SLC2A13: variants seen among roughly 807,000 people sequenced by gnomAD.
SLC2A13 encodes solute carrier family 2 member 13.
A neutral mutation model predicts 64.4 loss-of-function variants in SLC2A13; 32 were observed. The observed-to-expected ratio is 0.50, with a 90% confidence interval of 0.37 to 0.67. The LOEUF (loss-of-function observed/expected upper bound fraction) is 0.67, where lower values mean the gene tolerates loss of function less well. Among genes scored for constraint, SLC2A13 ranks in the 30% least tolerant of loss-of-function variants. The probability of loss-of-function intolerance (pLI) is 0.00; values close to 1 mark genes in which losing one functional copy is unlikely to be tolerated. For synonymous variants in SLC2A13, 338 were observed against 327.1 expected, an observed-to-expected ratio of 1.03 and a Z score of -0.36; for missense variants, 743 against 829.2, an observed-to-expected ratio of 0.90 and a Z score of 1.28.
chr12:39,798,235 C>A (rs532673183), intron 7 of SLC2A13, among the ~76,000 whole-genome samples: 191 of 152,314 alleles, frequency 1.3e-3, no homozygotes, highest in Admixed American at 3.7e-3. Flanking sequence ...TTCAGCTCCC[C>A]TTAAGCCTTC....
chr12:39,889,608 C>T (rs1422171692), intron 4 of SLC2A13, among the ~76,000 whole-genome samples: 1 of 148,652 alleles, frequency 6.7e-6, no homozygotes, highest in East Asian at 2.0e-4. Flanking sequence ...TCTTGGCACA[C>T]CACAACCTCT....
intron 3 of SLC2A13, among the ~76,000 whole-genome samples, chr12:40,021,464 T>C (rs1273248206): frequency 6.6e-6 from 1 of 152,240 alleles, no homozygotes; most frequent in Non-Finnish European, 1.5e-5. Context: ...ATTGTTTTAA[T>C]AGTCCTTCAG....
intron 7 of SLC2A13, among the ~76,000 whole-genome samples, chr12:39,811,740 T>C (rs1344368684): frequency 6.6e-6 from 1 of 152,178 alleles, no homozygotes; most frequent in Non-Finnish European, 1.5e-5. Context: ...TCTGATAATA[T>C]TCCTTAATCT....
rs1423081083 is a variant in SLC2A13, at chr12:39,943,596, C to T, written c.1034+7661G>A. On this transcript the variant is annotated intron_variant, in intron 4 of 9. Coordinates refer to ENST00000280871, the MANE Select transcript of SLC2A13 (RefSeq NM_052885.4). Reference sequence around the variant, plus strand: ...ATTCAAGCCTCAGTAATGGTGGACGCCCCTCCGCCCAGCAAGCTCAAGTAT... The same window carrying T: ...ATTCAAGCCTCAGTAATGGTGGACGTCCCTCCGCCCAGCAAGCTCAAGTAT... 7.9e-5 allele frequency among the ~76,000 whole-genome samples: 12 copies of T among 152,128 alleles called. No homozygotes were observed. In the South Asian group the frequency reaches 1.0e-3, roughly 13 times the overall value.
At chr12:40,048,352 T>G in intron 1 of SLC2A13, 142 bp from the exon 2 acceptor site, 1 of 768,886 alleles carries the variant, frequency 1.3e-6, no homozygotes, top group Non-Finnish European at 1.9e-6. Context: ...ATATTTAAGA[T>G]TTTGTTCATA....
chr12:39,978,851 G>C (rs1277107189), intron 3 of SLC2A13, among the ~76,000 whole-genome samples: 2 of 151,632 alleles, frequency 1.3e-5, no homozygotes, highest in African/African-American at 2.4e-5. Flanking sequence ...TGCCTCTGTA[G>C]GCTCCACCTC....
intron 4 of SLC2A13, among the ~76,000 whole-genome samples, chr12:39,874,344 T>C (rs1944127115): frequency 6.6e-6 from 1 of 152,108 alleles, no homozygotes; most frequent in Admixed American, 6.5e-5. Context: ...CCGGGCACGG[T>C]GGCTCACACC....
chr12:39,764,581 A>C lies in SLC2A13; in HGVS notation c.1599T>G (p.Ser533=), dbSNP rs1177569166. Residue 533 remains serine (S), a synonymous_variant, in exon 9 of 10, where the codon TCT becomes TCG. Coordinates refer to ENST00000280871, the MANE Select transcript of SLC2A13 (RefSeq NM_052885.4). The part of the protein sequence containing the change: ...GMGPMPWTVN[S]EIYPLWARST... The stretch of plus-strand genomic sequence containing the variant: ...TTCTTGCCCAAAGGGGATATATTTC[A>C]GAATTCACAGTCCAAGGCATTGGTC... 1.9e-6 allele frequency: 3 copies of C among 1,608,546 alleles called. No homozygotes were observed. Among genetic ancestry groups the C allele is most frequent in the Non-Finnish European group, 2.5e-6 (3 of 1,178,422 alleles).
At chr12:39,940,662 C>T (rs1328134236) in intron 4 of SLC2A13, among the ~76,000 whole-genome samples, 1 of 151,656 alleles carries the variant, frequency 6.6e-6, no homozygotes, top group Non-Finnish European at 1.5e-5. Flanking sequence ...TTTTAGCACA[C>T]AAAAAGCCAT....
intron 3 of SLC2A13, among the ~76,000 whole-genome samples, chr12:39,965,470 T>C (rs28370709): frequency 0.019 from 2,936 of 152,286 alleles, 93 homozygotes; most frequent in African/African-American, 0.067. Flanking sequence ...CTGAGTAATC[T>C]GAATGGGTTC....
intron 6 of SLC2A13, among the ~76,000 whole-genome samples, chr12:39,847,014 C>T (rs562983814): frequency 3.3e-5 from 5 of 152,112 alleles, no homozygotes; most frequent in African/African-American, 1.2e-4. Flanking sequence ...GCCAAGGAAA[C>T]AGGACAAATG....
chr12:39,812,439 C>T (rs1942204342), intron 7 of SLC2A13, among the ~76,000 whole-genome samples: 1 of 144,180 alleles, frequency 6.9e-6, no homozygotes, highest in African/African-American at 2.6e-5. Context: ...CCTTCCTTTT[C>T]TTTCTTCTCT....
intron 3 of SLC2A13, among the ~76,000 whole-genome samples, chr12:39,995,495 T>C (rs147195814): frequency 6.6e-6 from 1 of 152,298 alleles, no homozygotes; most frequent in East Asian, 1.9e-4. Context: ...TATGAGAACA[T>C]GTGCATGTCA....
intron 4 of SLC2A13, chr12:39,950,114 G>C (rs1477727841): frequency 6.6e-6 from 1 of 152,140 alleles, no homozygotes; most frequent in African/African-American, 2.4e-5. Context: ...TGAATGTATA[G>C]AAAATGGAGT....
At chr12:39,933,703 A>G (rs975690217) in intron 4 of SLC2A13, among the ~76,000 whole-genome samples, 3 of 152,206 alleles carry the variant, frequency 2.0e-5, no homozygotes, top group African/African-American at 7.2e-5. Flanking sequence ...AAGACTTGCA[A>G]AAGAAATAGA....
intron 2 of SLC2A13, among the ~76,000 whole-genome samples, chr12:40,037,570 T>C (rs1441173459): frequency 6.8e-6 from 1 of 147,060 alleles, no homozygotes; most frequent in South Asian, 2.1e-4. Context: ...AAGTGAGCTA[T>C]GATCCTGCCA....
chr12:39,871,648 T>C, intron 5 of SLC2A13, 150 bp downstream of exon 5: 1 of 674,708 alleles, frequency 1.5e-6, no homozygotes, highest in Non-Finnish European at 2.2e-6. Flanking sequence ...TCTTTTTTTT[T>C]TCTTTTTTGG....
intron 5 of SLC2A13, among the ~76,000 whole-genome samples, chr12:39,870,984 T>C (rs7967517): frequency 0.13 from 20,349 of 152,206 alleles, 1,454 homozygotes; most frequent in South Asian, 0.17. Flanking sequence ...CTGGAAACTA[T>C]CTTTTAATGG....
chr12:39,956,099 C>T (rs912803661), intron 3 of SLC2A13, among the ~76,000 whole-genome samples: 8 of 152,168 alleles, frequency 5.3e-5, no homozygotes, highest in African/African-American at 1.7e-4. Context: ...TCATGAACAA[C>T]TTTATGCCAT....
Sources: gnomAD v4.1 joint callset for allele counts (sites outside exome capture counted in the v4.1 genomes callset) on GRCh38, gnomAD v4.1.1 for gene constraint, MANE v1.5 for transcripts, NCBI Gene and HGNC (gene_info 2026-07-23, HGNC 2026-07-21) for gene names.